SEMA6B: variants seen among roughly 807,000 people sequenced by gnomAD.
SEMA6B encodes semaphorin 6B.
A neutral mutation model predicts 78.6 loss-of-function variants in SEMA6B; 47 were observed. The ratio of observed to expected loss-of-function variants is 0.60; its 90% CI spans 0.47 to 0.76. The LOEUF is 0.76. SEMA6B is among the 30% of genes least tolerant of loss of function. SEMA6B has a pLI of 0.00. For missense variants in SEMA6B, 1,213 were observed against 1,269.9 expected (o/e 0.96, Z 0.68); for synonymous variants, 632 against 592.2 (o/e 1.07, Z -0.98).
Position 4,543,614 on chromosome 19 carries a change from G to T in SEMA6B, c.2654C>A (p.Pro885His). The T allele has an allele frequency of 8.1e-7, 1 of 1,234,746 alleles. No individual in the cohort carries two copies. Among genetic ancestry groups the T allele is most frequent in the Non-Finnish European group, 1.0e-6 (1 of 988,788 alleles). 76.5% of individuals were successfully genotyped at this position (1,234,746 alleles called of 1,614,324 possible). A position where few individuals can be genotyped will look rare whatever the true frequency, so the allele number is the denominator to read the frequency against. ...LPYGGADRTA[P>H]PVP ...GGGGCCCCCGGCCTAGGGCACGGGGGGCGCAGTCCTGTCCGCCCCCCCATA... is the reference window on the plus strand; with the variant it reads ...GGGGCCCCCGGCCTAGGGCACGGGGTGCGCAGTCCTGTCCGCCCCCCCATA... The change falls in exon 17 of 17, where the codon CCC becomes CAC. Residue 885 changes from proline to histidine, a missense_variant. Physicochemically the swap from Pro to His is moderately conservative, Grantham distance 77. Coordinates refer to ENST00000586582, the MANE Select transcript of SEMA6B (RefSeq NM_032108.4).
chr19:4,554,992 G>A lies in SEMA6B; in HGVS notation c.666C>T (p.Asp222=). Residue 222 remains aspartate, a synonymous_variant, in exon 8 of 17, where the codon GAC becomes GAT. Coordinates refer to ENST00000586582, the MANE Select transcript of SEMA6B (RefSeq NM_032108.4). ...DRPTLRTVKH[D]SKWFKEPYFV... ...TGGTCTCACCTTTGAACCACTTGGAGTCATGTTTCACGGTGCGCAGGGTGG... is the reference window on the plus strand; with the variant it reads ...TGGTCTCACCTTTGAACCACTTGGAATCATGTTTCACGGTGCGCAGGGTGG... 1 of 1,614,056 alleles carries A rather than the reference G, an allele frequency of 6.2e-7. No individual in the cohort carries two copies. Among genetic ancestry groups the A allele is most frequent in the Non-Finnish European group, 8.5e-7 (1 of 1,179,988 alleles).
In SEMA6B at chr19:4,557,191, G is replaced by A; in HGVS notation, c.278C>T (p.Pro93Leu). ...DNLYRVELEP[P>L]TSTELRYQRK... The stretch of plus-strand genomic sequence containing the variant: ...CTGGTACCGCAGCTCCGTGGACGTG[G>A]GGGGCTCCAGCTCTACGCGGTAGAG... Residue 93 changes from proline to leucine, a missense_variant, in exon 4 of 17, where the codon CCC (proline) becomes CTC (leucine). Transcript: ENST00000586582. 1 of 1,606,406 alleles carries A rather than the reference G, an allele frequency of 6.2e-7. No individual in the cohort carries two copies.
At position 4,550,338 on chromosome 19, in the gene SEMA6B, G is replaced by C. The variant is rs1482665405; in HGVS notation, c.1122-66C>G. The C allele has an allele frequency of 6.4e-7, 1 of 1,556,496 alleles. No homozygotes were observed. The highest frequency in any genetic ancestry group is 1.4e-5 in the African/African-American group (1 of 73,370). ...TCTCATAAAGGGGCCTGATTCACCA[G>C]AGGTACCCATTGCTTTGCCCAACGA... On this transcript the variant is annotated intron_variant, in intron 11 of 16. Coordinates refer to ENST00000586582, the MANE Select transcript of SEMA6B (RefSeq NM_032108.4). This position sits in a 1 kb window ranked among gnomAD's most constrained non-coding sequence, Gnocchi z 6.6.
intron 16 of SEMA6B, among the ~76,000 whole-genome samples, chr19:4,545,483 A>G (rs1977141040): frequency 6.6e-6 from 1 of 151,986 alleles, no homozygotes; most frequent in Non-Finnish European, 1.5e-5. Context: ...AACTACAGGC[A>G]TGCACTGCCA....
Position 4,555,999 on chromosome 19 carries a change from C to A in SEMA6B, c.460G>T (p.Ala154Ser), listed in dbSNP as rs753670884. 1 of 1,613,478 alleles carries A rather than the reference C, an allele frequency of 6.2e-7. No homozygotes were observed. The highest frequency in any genetic ancestry group is 1.1e-5 in the South Asian group (1 of 91,078). Residue 154 changes from alanine to serine, a missense_variant, in exon 6 of 17, where the codon GCC (alanine) becomes TCC (serine). Transcript: ENST00000586582. This position sits in a 1 kb window ranked among gnomAD's most constrained non-coding sequence, Gnocchi z 6.1. ...CGSNAFNPVC[A>S]NYSIDTLQPV... is the part of the protein sequence containing the mutation. ...GTCTGAAGACTCACGCTGTAGTTGG[C>A]GCACACCGGGTTGAAGGCGTTGGAA...
At chr19:4,549,926 C>G (rs1311176882) in intron 12 of SEMA6B, among the ~76,000 whole-genome samples, 197 bp downstream of exon 12, 1 of 152,164 alleles carries the variant, frequency 6.6e-6, no homozygotes, top group Non-Finnish European at 1.5e-5. Context: ...TCTGTCACCT[C>G]TTGATCCCTC....
intron 9 of SEMA6B, among the ~76,000 whole-genome samples, chr19:4,553,414 GGT>G (rs1377679823): frequency 1.4e-5 from 2 of 144,012 alleles, no homozygotes; most frequent in East Asian, 4.3e-4. Flanking sequence ...TGGATGGATA[GGT>G]GAGTTGGATG....
At position 4,555,900 on chromosome 19, in the gene SEMA6B, C is replaced by G. The variant is rs1568258219; in HGVS notation, c.471+88G>C. 1 of 1,047,846 alleles carries G rather than the reference C, an allele frequency of 9.5e-7. No individual in the cohort carries two copies. Among genetic ancestry groups the G allele is most frequent in the Non-Finnish European group, 1.5e-6 (1 of 668,158 alleles). The allele number at this position is 1,047,846 out of a possible 1,614,324, so 64.9% of individuals were successfully genotyped here. On this transcript the variant is annotated intron_variant, in intron 6 of 16. Transcript: ENST00000586582. The surrounding 1 kb of genome is among the most constrained non-coding windows in gnomAD (Gnocchi z 6.1). ...GGAAGGCTTCCTGGAGGAGGTGACACGGCCTGGGGAAAAGCCATGGCCAGC... is the reference window on the plus strand; with the variant it reads ...GGAAGGCTTCCTGGAGGAGGTGACAGGGCCTGGGGAAAAGCCATGGCCAGC...
chr19:4,557,295 AAT>A, intron 3 of SEMA6B, 72 bp from the exon 4 acceptor site: 2 of 1,127,910 alleles, frequency 1.8e-6, no homozygotes, highest in Non-Finnish European at 2.6e-6. Flanking sequence ...TCCCACTGCC[AAT>A]GTGGTGTGCA....
chr19:4,556,779 T>C (rs527640646), intron 5 of SEMA6B, among the ~76,000 whole-genome samples, 172 bp downstream of exon 5: 1 of 135,098 alleles, frequency 7.4e-6, no homozygotes, highest in East Asian at 2.4e-4. Flanking sequence ...TGGCCATGGC[T>C]GTTTGGGGGT....
chr19:4,557,592 C>T (rs926013107), intron 3 of SEMA6B, among the ~76,000 whole-genome samples: 2 of 152,194 alleles, frequency 1.3e-5, no homozygotes, highest in Non-Finnish European at 2.9e-5. Context: ...TGGTCACTTC[C>T]GCATCCTCCT....
Position 4,544,544 on chromosome 19 carries a change from C to T in SEMA6B, c.1739-15G>A. 6.8e-7 allele frequency: 1 copy of T among 1,475,776 alleles called. No individual in the cohort carries two copies. Among genetic ancestry groups the T allele is most frequent in the African/African-American group, 1.5e-5 (1 of 68,892 alleles). The allele number at this position is 1,475,776 out of a possible 1,614,324, so 91.4% of individuals were successfully genotyped here. A position where few individuals can be genotyped will look rare whatever the true frequency, so the allele number is the denominator to read the frequency against. The stretch of plus-strand genomic sequence containing the variant: ...CCGCAGGAGTCCTGGCCGGGGAGCA[C>T]AGGGGGGTTAGTGGGGCCGGCGGGG... On this transcript the variant is annotated splice_polypyrimidine_tract_variant and intron_variant, in intron 16 of 16. Coordinates refer to ENST00000586582, the MANE Select transcript of SEMA6B (RefSeq NM_032108.4). The surrounding 1 kb of genome is among the most constrained non-coding windows in gnomAD (Gnocchi z 5.1).
chr19:4,546,171 G>A, intron 16 of SEMA6B, 45 bp downstream of exon 16: 1 of 1,522,952 alleles, frequency 6.6e-7, no homozygotes, highest in South Asian at 1.2e-5. Context: ...CCTCCCCCAT[G>A]GTAGTGGGGG....
At chr19:4,556,875 T>C (rs1342928752) in intron 5 of SEMA6B, 76 bp downstream of exon 5, 2 of 1,367,674 alleles carry the variant, frequency 1.5e-6, no homozygotes, top group Non-Finnish European at 2.0e-6. Context: ...GGGCGTGGCC[T>C]GGTCTGATTG....
intron 10 of SEMA6B, among the ~76,000 whole-genome samples, chr19:4,551,675 C>T (rs113111881): frequency 0.068 from 10,262 of 151,580 alleles, 518 homozygotes; most frequent in Admixed American, 0.14. Context: ...ACTAAAAATA[C>T]AAAATAAGCT....
chr19:4,558,100 G>T lies in SEMA6B; in HGVS notation c.171C>A (p.Thr57=). ...TGAGGTCGTCAGCACCTTCTGCGGG[G>T]GTCAGGCGTCCGGGCCCGCTGCCCA... ...VFVGSGPGRL[T]PAEGADDLNI... Residue 57 remains threonine, a synonymous_variant, in exon 3 of 17, where the codon ACC becomes ACA. Coordinates refer to ENST00000586582, the MANE Select transcript of SEMA6B (RefSeq NM_032108.4). The surrounding 1 kb of genome is among the most constrained non-coding windows in gnomAD (Gnocchi z 5.1). The T allele has an allele frequency of 6.5e-7, 1 of 1,537,574 alleles. No homozygotes were observed.
At position 4,544,623 on chromosome 19, in the gene SEMA6B, ATT is replaced by A; in HGVS notation, c.1739-96_1739-95del. ...GGGGCCCTCTGTCCTCTTTTTTATT[ATT>A]TTTATTTTTTTTTATTTATTTATTT... is the stretch of plus-strand genomic sequence containing the variant. On this transcript the variant is annotated intron_variant, in intron 16 of 16. Coordinates refer to ENST00000586582, the MANE Select transcript of SEMA6B (RefSeq NM_032108.4). The surrounding 1 kb of genome is among the most constrained non-coding windows in gnomAD (Gnocchi z 5.1). The A allele has an allele frequency of 1.6e-6, 1 of 632,134 alleles. No homozygotes were observed. 39.2% of individuals were successfully genotyped at this position (632,134 alleles called of 1,614,324 possible).
Position 4,543,510 on chromosome 19 carries a change from T to C in SEMA6B, c.*91A>G, listed in dbSNP as rs1977075068. ...TCGCGGGGGGGACTTGAGCACCCAC[T>C]CGGAGTTGCCCCGGGCCCCGGCGTT... On this transcript the variant is annotated 3_prime_UTR_variant, in exon 17 of 17. Transcript: ENST00000586582. The C allele has an allele frequency of 1.7e-6, 1 of 595,192 alleles. No homozygotes were observed. Among genetic ancestry groups the C allele is most frequent in the Non-Finnish European group, 2.5e-6 (1 of 407,624 alleles). 36.9% of individuals were successfully genotyped at this position (595,192 alleles called of 1,614,324 possible).
In SEMA6B at chr19:4,557,016, GCAGA is replaced by G. The variant is rs759180483; in HGVS notation, c.307-7_307-4del. ...GGGTTAGATCTCCAGGTCAGCTTCT[GCAGA>G]CAGAGAGAGCTGGTGAGGGGGTAAC... On this transcript the variant is annotated splice_region_variant and splice_polypyrimidine_tract_variant and intron_variant, in intron 4 of 16. Transcript: ENST00000586582. 1.6e-5 allele frequency: 25 copies of G among 1,612,620 alleles called. No homozygotes were observed. Among genetic ancestry groups the G allele is most frequent in the African/African-American group, 2.7e-5 (2 of 74,808 alleles).
Sources: gnomAD v4.1 joint callset for allele counts (sites outside exome capture counted in the v4.1 genomes callset) on GRCh38, gnomAD v4.1.1 for gene constraint, Gnocchi (gnomAD v3.1) non-coding constraint, MANE v1.5 for transcripts, NCBI Gene and HGNC (gene_info 2026-07-23, HGNC 2026-07-21) for gene names.